Variants in ERBB4 observed in about 807,000 individuals in gnomAD.
The protein encoded by ERBB4 is erb-b2 receptor tyrosine kinase 4, also known as receptor tyrosine-protein kinase erbB-4.
A neutral mutation model predicts 158.0 loss-of-function variants in ERBB4; 42 were observed. That is an observed-to-expected ratio of 0.27 (90% CI 0.21 to 0.34). The LOEUF is 0.34. Ranked by LOEUF, ERBB4 falls within the 10% of genes least tolerant of loss-of-function variation. The pLI is 1.00. For synonymous variants in ERBB4, 583 were observed against 558.7 expected, an observed-to-expected ratio of 1.04 and a Z score of -0.61; for missense variants, 1,333 against 1,624.1, an observed-to-expected ratio of 0.82 and a Z score of 3.08.
chr2:211,718,141 A>C (rs1192013334), intron 7 of ERBB4, among the ~76,000 whole-genome samples: 1 of 152,006 alleles, frequency 6.6e-6, no homozygotes, highest in African/African-American at 2.4e-5. Flanking sequence ...CAAACTCCTG[A>C]CCTCACGTGA....
At position 212,267,742 on chromosome 2, in the gene ERBB4, C is replaced by T. The variant is rs2085198566; in HGVS notation, c.83-142839G>A. Among the ~76,000 whole-genome samples the T allele has an allele frequency of 4.0e-5, 6 of 151,398 alleles. No homozygotes were observed. The Admixed American group carries it at 4.0e-4, about 10-fold the overall frequency. On this transcript the variant is annotated intron_variant, in intron 1 of 27. Transcript: ENST00000342788. Reference sequence around the variant, plus strand: ...TTAGGTGTATCTCCTAATGCTATCCCTCCCCCCTTCCCCCACCCCACAACA... The same window carrying T: ...TTAGGTGTATCTCCTAATGCTATCCTTCCCCCCTTCCCCCACCCCACAACA...
intron 1 of ERBB4, among the ~76,000 whole-genome samples, chr2:212,196,262 T>G (rs1483609116): frequency 6.6e-6 from 1 of 152,148 alleles, no homozygotes; most frequent in Non-Finnish European, 1.5e-5. Flanking sequence ...AAAGAAAATG[T>G]TATTAAGAAA....
chr2:212,094,839 C>T (rs1057107336), intron 2 of ERBB4, among the ~76,000 whole-genome samples: 2 of 151,950 alleles, frequency 1.3e-5, no homozygotes, highest in African/African-American at 4.8e-5. Context: ...ATAAAATTCT[C>T]GAGGTTAGTG....
At chr2:212,051,429 T>C (rs773695837) in intron 2 of ERBB4, among the ~76,000 whole-genome samples, 2 of 152,166 alleles carry the variant, frequency 1.3e-5, no homozygotes, top group Non-Finnish European at 2.9e-5. Flanking sequence ...TAGTATTCAC[T>C]AAGACTTTTA....
At position 212,405,720 on chromosome 2, in the gene ERBB4, T is replaced by C. The variant is rs568192950; in HGVS notation, c.82+132729A>G. 3.3e-5 allele frequency among the ~76,000 whole-genome samples: 5 copies of C among 152,248 alleles called. No homozygotes were observed. The South Asian group carries it at 1.0e-3, about 32-fold the overall frequency. ...CAAAGTTACGAACATACTTCAATTA[T>C]TTTTGTATGCTGGCTCCTAGGGAGC... On this transcript the variant is annotated intron_variant, in intron 1 of 27. Transcript: ENST00000342788.
intron 2 of ERBB4, among the ~76,000 whole-genome samples, chr2:211,996,990 G>GTGA (rs1167451175): frequency 2.6e-5 from 4 of 152,158 alleles, no homozygotes; most frequent in Non-Finnish European, 5.9e-5. Context: ...CTAAAGGTTT[G>GTGA]TGATACCTCT....
chr2:211,621,094 T>G (rs1047579099), intron 18 of ERBB4, among the ~76,000 whole-genome samples: 23 of 152,250 alleles, frequency 1.5e-4, no homozygotes, highest in African/African-American at 5.5e-4. Context: ...CACCCTGGCC[T>G]ACAGAGCAAG....
In ERBB4 at chr2:212,464,390, C is replaced by T. The variant is rs546937141; in HGVS notation, c.82+74059G>A. On this transcript the variant is annotated intron_variant, in intron 1 of 27. Transcript: ENST00000342788. ...GTTCCATTCCGGTAGAATCATTTTG[C>T]AGTCATTTGTTTTGTTTGTTGTTCA... Among the ~76,000 whole-genome samples the T allele has an allele frequency of 7.2e-5, 11 of 152,070 alleles. No individual in the cohort carries two copies. In the East Asian group the frequency reaches 2.1e-3, roughly 29 times the overall value.
intron 1 of ERBB4, among the ~76,000 whole-genome samples, chr2:212,300,409 T>C (rs1008218532): frequency 1.3e-5 from 2 of 151,572 alleles, no homozygotes; most frequent in Admixed American, 6.6e-5. Context: ...TATATGTTGT[T>C]ACACAGGGTT....
chr2:212,101,617 G>A (rs752330400), intron 2 of ERBB4, among the ~76,000 whole-genome samples: 1 of 151,704 alleles, frequency 6.6e-6, no homozygotes, highest in Non-Finnish European at 1.5e-5. Flanking sequence ...AGTTGAAAAC[G>A]CTCTTATCAC....
chr2:211,546,504 G>C (rs1156992680), intron 20 of ERBB4, among the ~76,000 whole-genome samples: 1 of 152,010 alleles, frequency 6.6e-6, no homozygotes, highest in Non-Finnish European at 1.5e-5. Flanking sequence ...ATTAACCTAA[G>C]TTTCCTCCCT....
intron 3 of ERBB4, among the ~76,000 whole-genome samples, chr2:211,931,137 A>T (rs1203317685): frequency 6.6e-6 from 1 of 152,078 alleles, no homozygotes; most frequent in Non-Finnish European, 1.5e-5. Flanking sequence ...AAATCAAGTA[A>T]ATTGGTTGTG....
At position 211,378,088 on chromosome 2, in the gene ERBB4, C is replaced by A. The variant is rs1339521153; in HGVS notation, c.*5527G>T. The A allele has an allele frequency of 8.6e-6, 2 of 232,996 alleles. No homozygotes were observed. The highest frequency in any genetic ancestry group is 8.5e-6 in the Non-Finnish European group (1 of 117,694). 14.4% of individuals were successfully genotyped at this position (232,996 alleles called of 1,614,324 possible). On this transcript the variant is annotated 3_prime_UTR_variant, in exon 28 of 28. Transcript: ENST00000342788. ...GACAGCATCGGGGGACTACTTTGAACCAGGGTGGTAGAAAGGGAAGAGAGC... is the reference window on the plus strand; with the variant it reads ...GACAGCATCGGGGGACTACTTTGAAACAGGGTGGTAGAAAGGGAAGAGAGC...
At chr2:211,822,154 G>A (rs2077009770) in intron 3 of ERBB4, among the ~76,000 whole-genome samples, 1 of 151,860 alleles carries the variant, frequency 6.6e-6, no homozygotes, top group South Asian at 2.1e-4. Flanking sequence ...AAGGGTAGGG[G>A]AAAGAGAGGG....
chr2:212,492,211 T>G (rs1021901674), intron 1 of ERBB4, among the ~76,000 whole-genome samples: 15 of 151,444 alleles, frequency 9.9e-5, no homozygotes, highest in African/African-American at 3.4e-4. Flanking sequence ...CAAATAAGAT[T>G]ATCTATATCT....
rs182233743 is a variant in ERBB4 at position 211,378,130 on chromosome 2, A to G, written c.*5485T>C. 82 of 233,152 alleles carry G rather than the reference A, an allele frequency of 3.5e-4. No individual in the cohort carries two copies. Among genetic ancestry groups the G allele is most frequent in the African/African-American group, 1.7e-3 (75 of 45,414 alleles). 14.4% of individuals were successfully genotyped at this position (233,152 alleles called of 1,614,324 possible). On this transcript the variant is annotated 3_prime_UTR_variant, in exon 28 of 28. Coordinates refer to ENST00000342788, the MANE Select transcript of ERBB4 (RefSeq NM_005235.3). ...GAAGAGAGCAGTGCCAGTTGTGTCA[A>G]TGGGCAAAAAAGGGAAGGATTCTAT...
intron 2 of ERBB4, among the ~76,000 whole-genome samples, chr2:211,978,416 A>ATCTG (rs2081691458): frequency 6.6e-6 from 1 of 151,594 alleles, no homozygotes; most frequent in African/African-American, 2.4e-5. Context: ...CTATCTATCT[A>ATCTG]TCTATCTATC....
At chr2:211,825,487 A>G (rs1321517689) in intron 3 of ERBB4, among the ~76,000 whole-genome samples, 1 of 151,738 alleles carries the variant, frequency 6.6e-6, no homozygotes, top group Admixed American at 6.6e-5. Context: ...TCCCATTTCA[A>G]TGTAACACTA....
At chr2:211,813,004 T>A (rs2076794775) in intron 3 of ERBB4, among the ~76,000 whole-genome samples, 1 of 152,160 alleles carries the variant, frequency 6.6e-6, no homozygotes, top group Non-Finnish European at 1.5e-5. Context: ...ACTTCCCGGG[T>A]GAGGTGATGT....
Sources: allele counts gnomAD v4.1 joint callset (sites outside exome capture counted in the v4.1 genomes callset), GRCh38; gene constraint gnomAD v4.1.1; transcripts MANE v1.5; gene names NCBI Gene and HGNC (gene_info 2026-07-23, HGNC 2026-07-21).